RBFOX1: variants seen among roughly 807,000 people sequenced by gnomAD.
RBFOX1 encodes the protein RNA binding fox-1 homolog 1, also known as RNA binding protein fox-1 homolog 1.
A neutral mutation model predicts 57.7 loss-of-function variants in RBFOX1; 8 were observed. The ratio of observed to expected loss-of-function variants is 0.14; its 90% CI spans 0.08 to 0.25. RBFOX1 has a LOEUF of 0.25. RBFOX1 is among the 10% of genes least tolerant of loss of function. The pLI is 1.00. For synonymous variants in RBFOX1, 326 were observed against 222.4 expected (o/e 1.47, Z -4.15); for missense variants, 611 against 548.5 (o/e 1.11, Z -1.14).
intron 3 of RBFOX1, among the ~76,000 whole-genome samples, chr16:6,939,196 A>G (rs2077899108): frequency 6.6e-6 from 1 of 152,222 alleles, no homozygotes; most frequent in South Asian, 2.1e-4. Flanking sequence ...GAGAAAAATA[A>G]TTTATTAGGT....
intron 3 of RBFOX1, among the ~76,000 whole-genome samples, chr16:6,846,523 C>A (rs946944359): frequency 6.6e-6 from 1 of 152,078 alleles, no homozygotes. Context: ...GTGTAACATA[C>A]CAGACAGGGG....
chr16:6,137,805 C>T (rs1344731110), intron 1 of RBFOX1, among the ~76,000 whole-genome samples: 1 of 151,820 alleles, frequency 6.6e-6, no homozygotes, highest in Middle Eastern at 3.2e-3. Context: ...GACAGGTTCC[C>T]ACTATGTTGT....
chr16:5,433,890 T>G (rs183468776), intron 1 of RBFOX1, among the ~76,000 whole-genome samples: 10 of 152,258 alleles, frequency 6.6e-5, no homozygotes, highest in Non-Finnish European at 1.3e-4. Context: ...CCGAGGACGT[T>G]AGAGACAAGA....
upstream of RBFOX1, among the ~76,000 whole-genome samples, chr16:6,018,248 G>C (rs952836069): frequency 2.8e-4 from 35 of 124,872 alleles, no homozygotes; most frequent in Non-Finnish European, 3.4e-4. Context: ...TAGGGGAAGA[G>C]CAGAGTTTCT....
chr16:7,209,899 T>G (rs946648708), intron 4 of RBFOX1, among the ~76,000 whole-genome samples: 1 of 152,170 alleles, frequency 6.6e-6, no homozygotes, highest in African/African-American at 2.4e-5. Flanking sequence ...TGACCCCTAG[T>G]GCAGGGGTTC....
intron 4 of RBFOX1, among the ~76,000 whole-genome samples, chr16:7,511,807 G>C (rs1193659463): frequency 6.6e-6 from 1 of 152,128 alleles, no homozygotes; most frequent in Admixed American, 6.5e-5. Flanking sequence ...TTTCTTCTCT[G>C]TTTATCCTAA....
At chr16:7,066,612 G>T (rs965515238) in intron 4 of RBFOX1, among the ~76,000 whole-genome samples, 1 of 152,160 alleles carries the variant, frequency 6.6e-6, no homozygotes, top group African/African-American at 2.4e-5. Flanking sequence ...AAAGCGGGGG[G>T]TGTTTTTGTT....
intron 3 of RBFOX1, among the ~76,000 whole-genome samples, chr16:6,823,032 T>G (rs1250174348): frequency 1.3e-5 from 2 of 152,146 alleles, no homozygotes; most frequent in Admixed American, 1.3e-4. Context: ...ATTATTCTGA[T>G]GTCATGTTTG....
chr16:7,010,901 A>G (rs1042036087), intron 3 of RBFOX1, among the ~76,000 whole-genome samples: 5 of 152,148 alleles, frequency 3.3e-5, no homozygotes, highest in Admixed American at 3.3e-4. Flanking sequence ...TGAGCAGAAG[A>G]TAGTGTGCTG....
intron 1 of RBFOX1, among the ~76,000 whole-genome samples, chr16:6,030,662 A>G (rs1214122670): frequency 6.6e-6 from 1 of 152,212 alleles, no homozygotes; most frequent in African/African-American, 2.4e-5. Flanking sequence ...AAACACCAGG[A>G]ACCCTGGAAA....
At chr16:6,558,893 C>G (rs1277157051) in intron 2 of RBFOX1, among the ~76,000 whole-genome samples, 1 of 151,830 alleles carries the variant, frequency 6.6e-6, no homozygotes, top group African/African-American at 2.4e-5. Flanking sequence ...CATTCTGCTC[C>G]CTCTGTCTGG....
intron 3 of RBFOX1, among the ~76,000 whole-genome samples, chr16:6,857,992 T>G (rs1406361749): frequency 6.6e-6 from 1 of 152,176 alleles, no homozygotes; most frequent in African/African-American, 2.4e-5. Context: ...AGAGGGAGAT[T>G]CTAAACCAGC....
At chr16:7,345,500 T>A (rs2096980926) in intron 4 of RBFOX1, among the ~76,000 whole-genome samples, 1 of 152,194 alleles carries the variant, frequency 6.6e-6, no homozygotes, top group African/African-American at 2.4e-5. Context: ...GGCAGACAGT[T>A]CCCACTGTGA....
At chr16:7,510,310 C>G (rs1688492272) in intron 4 of RBFOX1, 3 of 985,710 alleles carry the variant, frequency 3.0e-6, no homozygotes, top group Admixed American at 6.1e-5. Flanking sequence ...GATGGTGCAG[C>G]AGGTATTTTT....
chr16:6,416,344 A>C (rs867856586), intron 2 of RBFOX1, among the ~76,000 whole-genome samples: 4 of 152,304 alleles, frequency 2.6e-5, no homozygotes, highest in African/African-American at 7.2e-5. Flanking sequence ...CTGATTATCA[A>C]AATATCTATT....
chr16:7,471,851 T>C (rs1227235602), intron 4 of RBFOX1, among the ~76,000 whole-genome samples: 2 of 152,352 alleles, frequency 1.3e-5, no homozygotes, highest in South Asian at 2.1e-4. Context: ...CTGTCACTAA[T>C]GCTGGGAAGA....
chr16:6,956,064 C>G (rs995692993), intron 3 of RBFOX1, among the ~76,000 whole-genome samples: 3 of 152,076 alleles, frequency 2.0e-5, no homozygotes, highest in African/African-American at 4.8e-5. Context: ...GTTATCTTCC[C>G]TTTAGTGAGT....
At chr16:6,851,217 T>A (rs1210080106) in intron 3 of RBFOX1, among the ~76,000 whole-genome samples, 5 of 152,210 alleles carry the variant, frequency 3.3e-5, no homozygotes, top group Admixed American at 6.5e-5. Context: ...GTATGTAGCA[T>A]TCTTGAGTTT....
chr16:6,483,305 C>T (rs751873678), intron 2 of RBFOX1: 63 of 1,403,388 alleles, frequency 4.5e-5, no homozygotes, highest in Non-Finnish European at 5.7e-5. Flanking sequence ...CGCTCTCGCG[C>T]CCGCGCGCTC....
Sources: gnomAD v4.1 joint callset for allele counts (sites outside exome capture counted in the v4.1 genomes callset) on GRCh38, gnomAD v4.1.1 for gene constraint, MANE v1.5 for transcripts, NCBI Gene and HGNC (gene_info 2026-07-23, HGNC 2026-07-21) for gene names.